SUPT3H: variants seen among roughly 807,000 people sequenced by gnomAD.
SUPT3H encodes the protein SPT3 homolog, SAGA and STAGA complex component.
SUPT3H carries 44 observed loss-of-function variants against 44.3 expected under a neutral mutation model. That is an observed-to-expected ratio of 0.99 (90% CI 0.78 to 1.28). The LOEUF is 1.28. Ranked by LOEUF, SUPT3H falls within the 50% of genes most tolerant of loss-of-function variation. The pLI is 0.00. For missense variants in SUPT3H, 380 were observed against 387.1 expected, an observed-to-expected ratio of 0.98 and a Z score of 0.15; for synonymous variants, 124 against 125.6, an observed-to-expected ratio of 0.99 and a Z score of 0.09.
At chr6:45,273,852 G>A (rs1379997493) in intron 2 of SUPT3H, among the ~76,000 whole-genome samples, 1 of 152,052 alleles carries the variant, frequency 6.6e-6, no homozygotes, top group African/African-American at 2.4e-5. Flanking sequence ...GCTCGATCAC[G>A]TGGGAAATCT....
intron 3 of SUPT3H, among the ~76,000 whole-genome samples, chr6:45,077,595 C>A (rs895944049): frequency 8.8e-6 from 1 of 113,728 alleles, no homozygotes; most frequent in Non-Finnish European, 1.6e-5. Flanking sequence ...CCACTGCACT[C>A]CAGCCTAGGT....
At chr6:44,950,959 C>A (rs1774215016) in intron 9 of SUPT3H, among the ~76,000 whole-genome samples, 1 of 151,920 alleles carries the variant, frequency 6.6e-6, no homozygotes, top group Non-Finnish European at 1.5e-5. Context: ...CACCCTTCAG[C>A]CAAGAAACCA....
chr6:44,958,967 C>T (rs1297488897), intron 7 of SUPT3H, among the ~76,000 whole-genome samples: 2 of 150,606 alleles, frequency 1.3e-5, no homozygotes, highest in Admixed American at 1.3e-4. Flanking sequence ...CCTCCACCTC[C>T]CGGGTTCTAG....
At chr6:45,090,247 A>G (rs1389617829) in intron 3 of SUPT3H, among the ~76,000 whole-genome samples, 1 of 152,088 alleles carries the variant, frequency 6.6e-6, no homozygotes, top group African/African-American at 2.4e-5. Flanking sequence ...ACTGAAAACA[A>G]AGAAGCAATT....
chr6:45,073,506 A>G (rs1311497332), intron 3 of SUPT3H, among the ~76,000 whole-genome samples: 1 of 152,030 alleles, frequency 6.6e-6, no homozygotes, highest in Non-Finnish European at 1.5e-5. Context: ...GTTTATGGCG[A>G]ACTGATAAAA....
At chr6:44,839,985 C>A (rs1053029142) in intron 10 of SUPT3H, among the ~76,000 whole-genome samples, 1 of 152,182 alleles carries the variant, frequency 6.6e-6, no homozygotes, top group Non-Finnish European at 1.5e-5. Flanking sequence ...CAGGCGTGAG[C>A]CACCGCACCC....
intron 3 of SUPT3H, among the ~76,000 whole-genome samples, chr6:45,057,497 C>CA (rs996482486): frequency 2.0e-5 from 3 of 151,548 alleles, no homozygotes; most frequent in Non-Finnish European, 4.4e-5. Context: ...AAACAAAAAA[C>CA]AAAAAAACAA....
intron 2 of SUPT3H, among the ~76,000 whole-genome samples, chr6:45,270,039 C>T (rs994276749): frequency 1.2e-4 from 18 of 152,032 alleles, no homozygotes; most frequent in Admixed American, 3.9e-4. Flanking sequence ...TCATGCAATA[C>T]GTGGTATTTA....
intron 2 of SUPT3H, among the ~76,000 whole-genome samples, chr6:45,179,532 G>C (rs945277585): frequency 1.3e-5 from 2 of 152,162 alleles, no homozygotes; most frequent in African/African-American, 4.8e-5. Context: ...TATCCACCAT[G>C]ATCAAGTGGG....
At chr6:45,362,234 A>C (rs916908644) in intron 2 of SUPT3H, among the ~76,000 whole-genome samples, 1 of 152,226 alleles carries the variant, frequency 6.6e-6, no homozygotes, top group African/African-American at 2.4e-5. Context: ...CAACTAGACA[A>C]CTTTCAGTGA....
At chr6:45,169,660 A>C (rs1472415812) in intron 2 of SUPT3H, among the ~76,000 whole-genome samples, 2 of 152,202 alleles carry the variant, frequency 1.3e-5, no homozygotes, top group Admixed American at 6.5e-5. Context: ...TATCTGGAGA[A>C]ATTTGTGGAA....
At chr6:44,952,166 T>TA (rs1227671629) in intron 9 of SUPT3H, among the ~76,000 whole-genome samples, 1 of 152,172 alleles carries the variant, frequency 6.6e-6, no homozygotes, top group Admixed American at 6.5e-5. Flanking sequence ...TGTAATAAGA[T>TA]GCTATATGGG....
intron 2 of SUPT3H, among the ~76,000 whole-genome samples, chr6:45,176,833 C>T (rs944447846): frequency 6.6e-6 from 1 of 152,128 alleles, no homozygotes. Context: ...AGGCCAGGTA[C>T]TCCAACAGAC....
At chr6:45,077,626 CAAAAAAA>C (rs70993493) in intron 3 of SUPT3H, among the ~76,000 whole-genome samples, 1 of 34,028 alleles carries the variant, frequency 2.9e-5, no homozygotes, top group Non-Finnish European at 4.7e-5. Context: ...GACCTTGTTT[CAAAAAAA>C]AAAAAAAAAG....
intron 2 of SUPT3H, among the ~76,000 whole-genome samples, chr6:45,230,147 A>T (rs947093763): frequency 2.0e-5 from 3 of 152,196 alleles, no homozygotes; most frequent in African/African-American, 7.2e-5. Flanking sequence ...TTCCATCCAC[A>T]AACTGGATAA....
At chr6:45,183,502 A>G (rs983911345) in intron 2 of SUPT3H, among the ~76,000 whole-genome samples, 1 of 152,204 alleles carries the variant, frequency 6.6e-6, no homozygotes, top group African/African-American at 2.4e-5. Flanking sequence ...CAAGAGAGGG[A>G]GCAAAAGAGA....
intron 3 of SUPT3H, among the ~76,000 whole-genome samples, chr6:45,096,589 GA>G (rs1797816375): frequency 6.6e-6 from 1 of 151,514 alleles, no homozygotes; most frequent in Non-Finnish European, 1.5e-5. Flanking sequence ...TTCCACATGG[GA>G]ACAACAGGTC....
intron 7 of SUPT3H, among the ~76,000 whole-genome samples, chr6:44,958,535 A>C (rs1775544576): frequency 6.6e-6 from 1 of 152,088 alleles, no homozygotes; most frequent in African/African-American, 2.4e-5. Context: ...CTTTATACAT[A>C]TTTATGGGCA....
At chr6:44,954,084 G>A (rs1209111142) in intron 8 of SUPT3H, among the ~76,000 whole-genome samples, 1 of 152,142 alleles carries the variant, frequency 6.6e-6, no homozygotes, top group Non-Finnish European at 1.5e-5. Context: ...GATGCCTGTG[G>A]TCTAAAGACC....
Sources: allele counts gnomAD v4.1 joint callset (sites outside exome capture counted in the v4.1 genomes callset), GRCh38; gene constraint gnomAD v4.1.1; transcripts MANE v1.5; gene names NCBI Gene and HGNC (gene_info 2026-07-23, HGNC 2026-07-21).